MYO1D: variants seen among roughly 807,000 people sequenced by gnomAD.
The protein encoded by MYO1D is myosin ID, also known as unconventional myosin-Id.
MYO1D carries 83 observed loss-of-function variants against 122.0 expected under a neutral mutation model. That is an observed-to-expected ratio of 0.68 (90% CI 0.57 to 0.82). The LOEUF is 0.82. Ranked by LOEUF, MYO1D falls within the 40% of genes least tolerant of loss-of-function variation. The probability of loss-of-function intolerance (pLI) is 0.00; values close to 1 mark genes in which losing one functional copy is unlikely to be tolerated. For synonymous variants in MYO1D, 464 were observed against 446.9 expected (o/e 1.04, Z -0.48); for missense variants, 1,157 against 1,269.5 (o/e 0.91, Z 1.35).
At chr17:32,782,388 C>G (rs1215922392) in intron 1 of MYO1D, among the ~76,000 whole-genome samples, 1 of 152,164 alleles carries the variant, frequency 6.6e-6, no homozygotes, top group African/African-American at 2.4e-5. Context: ...ATTGCAAACT[C>G]AATAGCAGTG....
intron 21 of MYO1D, among the ~76,000 whole-genome samples, chr17:32,565,736 T>G (rs12943603): frequency 1.8e-4 from 25 of 135,550 alleles, no homozygotes; most frequent in Admixed American, 6.7e-4. Context: ...GTGTGTGTTT[T>G]TTTTTTGAGA....
intron 1 of MYO1D, among the ~76,000 whole-genome samples, chr17:32,823,517 T>G (rs1004532678): frequency 3.3e-5 from 5 of 152,136 alleles, no homozygotes; most frequent in Admixed American, 6.5e-5. Context: ...GAGTTAAACT[T>G]TGCAAATCAA....
At chr17:32,752,653 A>G (rs926323374) in intron 11 of MYO1D, among the ~76,000 whole-genome samples, 1 of 152,264 alleles carries the variant, frequency 6.6e-6, no homozygotes, top group African/African-American at 2.4e-5. Flanking sequence ...CAAACAGCCA[A>G]CAAACATTTG....
chr17:32,794,663 C>T (rs1598105049), intron 1 of MYO1D, among the ~76,000 whole-genome samples: 1 of 152,054 alleles, frequency 6.6e-6, no homozygotes, highest in East Asian at 1.9e-4. Flanking sequence ...ATAGAATGCA[C>T]TGTACTGGTG....
intron 11 of MYO1D, 143 bp from the exon 12 acceptor site, chr17:32,749,149 G>T: frequency 1.4e-6 from 1 of 726,388 alleles, no homozygotes; most frequent in Non-Finnish European, 2.3e-6. Context: ...TATGGCTTAT[G>T]TATTATAAAG....
intron 21 of MYO1D, among the ~76,000 whole-genome samples, chr17:32,597,096 A>G (rs1425105751): frequency 6.6e-6 from 1 of 152,236 alleles, no homozygotes; most frequent in Non-Finnish European, 1.5e-5. Context: ...TTGAAATGCT[A>G]TGAGAGATTG....
At position 32,659,161 on chromosome 17, in the gene MYO1D, T is replaced by C. The variant is rs758232518; in HGVS notation, c.2299A>G (p.Lys767Glu). Residue 767 changes from lysine to glutamate, a missense_variant, in exon 17 of 22, where the codon AAA (lysine) becomes GAA (glutamate). Transcript: ENST00000318217. The part of the protein sequence containing the change: ...GKHVKWPSPP[K>E]VLRRFEEALQ... Reference sequence around the variant, plus strand: ...GCCTCCTCAAAACGGCGAAGAACTTTAGGAGGGCTTGGCCACTTCACGTGC... The same window carrying C: ...GCCTCCTCAAAACGGCGAAGAACTTCAGGAGGGCTTGGCCACTTCACGTGC... The C allele has an allele frequency of 1.9e-6, 3 of 1,614,194 alleles. No homozygotes were observed. The highest frequency in any genetic ancestry group is 2.5e-6 in the Non-Finnish European group (3 of 1,180,036).
At chr17:32,684,493 G>T (rs955899360) in intron 16 of MYO1D, among the ~76,000 whole-genome samples, 1 of 152,158 alleles carries the variant, frequency 6.6e-6, no homozygotes, top group African/African-American at 2.4e-5. Context: ...CTGAAGGAAT[G>T]ATTACTGGCT....
At chr17:32,875,967 G>T (rs2091224584) in intron 1 of MYO1D, among the ~76,000 whole-genome samples, 1 of 152,108 alleles carries the variant, frequency 6.6e-6, no homozygotes, top group Non-Finnish European at 1.5e-5. Context: ...CATGTAAAGG[G>T]CTTTCTAAAA....
intron 1 of MYO1D, among the ~76,000 whole-genome samples, chr17:32,813,356 A>T (rs1407956686): frequency 1.3e-5 from 2 of 152,262 alleles, no homozygotes; most frequent in African/African-American, 4.8e-5. Flanking sequence ...GAGCTATTAG[A>T]GGAAATGCAG....
rs2090039918 is a variant in MYO1D, at chr17:32,764,952, C to T, written c.961G>A (p.Ala321Thr). 4 of 1,614,090 alleles carry T rather than the reference C, an allele frequency of 2.5e-6. No homozygotes were observed. Among genetic ancestry groups the T allele is most frequent in the Non-Finnish European group, 8.5e-7 (1 of 1,180,064 alleles). ...VEKALLYRTV[A>T]TGRDIIDKQH... ...TTGTCAATGATGTCACGGCCTGTGGCCACAGTCCGGTAAAGAAGGGCTTTC... is the reference window on the plus strand; with the variant it reads ...TTGTCAATGATGTCACGGCCTGTGGTCACAGTCCGGTAAAGAAGGGCTTTC... Residue 321 changes from alanine to threonine, a missense_variant, in exon 8 of 22, where the codon GCC (alanine) becomes ACC (threonine). Coordinates refer to ENST00000318217, the MANE Select transcript of MYO1D (RefSeq NM_015194.3).
chr17:32,735,619 T>C (rs1426875669), intron 14 of MYO1D, among the ~76,000 whole-genome samples: 1 of 152,234 alleles, frequency 6.6e-6, no homozygotes, highest in African/African-American at 2.4e-5. Flanking sequence ...CATCTATCAT[T>C]TATCTTTCTG....
chr17:32,557,979 G>A (rs1264322343), intron 21 of MYO1D, among the ~76,000 whole-genome samples: 2 of 151,954 alleles, frequency 1.3e-5, no homozygotes, highest in Non-Finnish European at 2.9e-5. Context: ...GTTATTTATA[G>A]ACACAATTTG....
chr17:32,603,583 TGGCG>T (rs1256424935), intron 21 of MYO1D, among the ~76,000 whole-genome samples: 11 of 148,286 alleles, frequency 7.4e-5, no homozygotes, highest in Non-Finnish European at 1.5e-4. Flanking sequence ...TGGAGTGAAG[TGGCG>T]GGATCTTGGC....
chr17:32,838,350 G>T (rs904680579), intron 1 of MYO1D, among the ~76,000 whole-genome samples: 1 of 151,992 alleles, frequency 6.6e-6, no homozygotes, highest in Admixed American at 6.6e-5. Flanking sequence ...TTTTAGACAC[G>T]AAATAGTCTG....
chr17:32,551,299 GC>G (rs2087013247), intron 21 of MYO1D, among the ~76,000 whole-genome samples: 1 of 152,130 alleles, frequency 6.6e-6, no homozygotes, highest in African/African-American at 2.4e-5. Context: ...GGATGTAACA[GC>G]CAGCCTTATG....
chr17:32,693,005 G>T (rs1018140500), intron 16 of MYO1D, among the ~76,000 whole-genome samples: 1 of 152,150 alleles, frequency 6.6e-6, no homozygotes, highest in Non-Finnish European at 1.5e-5. Flanking sequence ...TTGGCTGTGC[G>T]CATCTTCAGC....
At chr17:32,753,235 CT>C (rs1482789329) in intron 11 of MYO1D, among the ~76,000 whole-genome samples, 1 of 132,404 alleles carries the variant, frequency 7.6e-6, no homozygotes, top group Non-Finnish European at 1.6e-5. Flanking sequence ...AAATAAGACA[CT>C]GGGGACTCCA....
At chr17:32,827,336 G>T (rs879584119) in intron 1 of MYO1D, among the ~76,000 whole-genome samples, 1 of 152,176 alleles carries the variant, frequency 6.6e-6, no homozygotes, top group African/African-American at 2.4e-5. Flanking sequence ...CCATTTATAT[G>T]AAGTACCTGG....
Sources: allele counts gnomAD v4.1 joint callset (sites outside exome capture counted in the v4.1 genomes callset), GRCh38; gene constraint gnomAD v4.1.1; transcripts MANE v1.5; gene names NCBI Gene and HGNC (gene_info 2026-07-23, HGNC 2026-07-21).